The following NREP variants were observed in gnomAD, a reference collection of about 807,000 sequenced individuals.
NREP encodes neuronal regeneration related protein, also known as neuronal regeneration-related protein.
Under a neutral mutation model 8.6 loss-of-function variants are expected in NREP, and 5 were observed. The observed-to-expected ratio is 0.58, with a 90% CI of 0.30 to 1.22. The LOEUF (loss-of-function observed/expected upper bound fraction) is 1.22, where lower values mean the gene tolerates loss of function less well. Ranked by LOEUF, NREP falls within the 50% of genes most tolerant of loss-of-function variation. NREP has a pLI of 0.07. For synonymous variants in NREP, 27 were observed against 28.0 expected (o/e 0.96, Z 0.11); for missense variants, 86 against 82.5 (o/e 1.04, Z -0.17).
At chr5:111,955,474 AAAAAAAAC>A (rs1056408180) in intron 2 of NREP, among the ~76,000 whole-genome samples, 1 of 123,568 alleles carries the variant, frequency 8.1e-6, no homozygotes, top group South Asian at 2.5e-4. Context: ...ATACAGAAAA[AAAAAAAAC>A]AAAAAACAAA....
chr5:111,879,793 CT>C lies in NREP; in HGVS notation c.135+95480del, dbSNP rs535761127. 4.1e-3 allele frequency among the ~76,000 whole-genome samples: 622 copies of C among 152,214 alleles called. 2 individuals carry two copies. The highest frequency in any genetic ancestry group is 6.1e-3 in the Non-Finnish European group (418 of 68,012). The stretch of plus-strand genomic sequence containing the variant: ...TTCCTGACTTGCAGAAAGCCAACTT[CT>C]TTTTGTAGTCCCATATGGCAGGGAG... On this transcript the variant is annotated intron_variant, in intron 2 of 3. Coordinates refer to the NREP transcript ENST00000395634.
chr5:111,789,549 GCT>G (rs1486415646), intron 2 of NREP, among the ~76,000 whole-genome samples: 3 of 152,088 alleles, frequency 2.0e-5, no homozygotes, highest in Non-Finnish European at 2.9e-5. Flanking sequence ...AAGCTTGGTG[GCT>G]CTAGGCAGGG....
At chr5:111,921,613 A>C (rs1755242624) in intron 2 of NREP, among the ~76,000 whole-genome samples, 1 of 152,140 alleles carries the variant, frequency 6.6e-6, no homozygotes, top group Non-Finnish European at 1.5e-5. Flanking sequence ...AATGTCCTTT[A>C]AACTTTTTGT....
chr5:111,755,583 T>A (rs1039249790), intron 2 of NREP, 187 bp downstream of exon 2: 2 of 641,814 alleles, frequency 3.1e-6, no homozygotes, highest in South Asian at 2.1e-5. Flanking sequence ...AAGAACTAAT[T>A]TGCCACATCC....
At chr5:111,891,455 C>T (rs1754392257) in intron 2 of NREP, among the ~76,000 whole-genome samples, 1 of 152,156 alleles carries the variant, frequency 6.6e-6, no homozygotes, top group South Asian at 2.1e-4. Context: ...CAAACTCTGC[C>T]CATTACCCAG....
intron 2 of NREP, among the ~76,000 whole-genome samples, chr5:111,741,350 A>C (rs1242210699): frequency 6.6e-6 from 1 of 152,172 alleles, no homozygotes; most frequent in East Asian, 1.9e-4. Context: ...CTGTAATTCA[A>C]GGAGAATTCA....
rs115819483 is a variant in NREP at position 111,753,710 on chromosome 5, A to G, written c.3+2060T>C. Among the ~76,000 whole-genome samples, 727 of 152,230 alleles carry G rather than the reference A, an allele frequency of 4.8e-3. 4 individuals are homozygous for G. The highest frequency in any genetic ancestry group is 0.016 in the African/African-American group (682 of 41,538). On this transcript the variant is annotated intron_variant, in intron 2 of 3. Transcript: ENST00000257435. ...TGTATTTTCTAGAGGTGTCCAGGAG[A>G]CAAATCTACTGCTTCACTAGAAGCA...
chr5:111,913,177 A>G (rs1268212032), intron 2 of NREP, among the ~76,000 whole-genome samples: 1 of 152,136 alleles, frequency 6.6e-6, no homozygotes, highest in African/African-American at 2.4e-5. Flanking sequence ...GAGGTTAAGT[A>G]ATTTGTAGAA....
At chr5:111,797,173 C>G (rs1055211173) in intron 2 of NREP, among the ~76,000 whole-genome samples, 9 of 152,138 alleles carry the variant, frequency 5.9e-5, no homozygotes, top group African/African-American at 2.2e-4. Context: ...GAGATGAAAA[C>G]TGAGATTCAT....
chr5:111,746,182 C>T (rs1376336127), intron 2 of NREP, among the ~76,000 whole-genome samples: 1 of 151,864 alleles, frequency 6.6e-6, no homozygotes, highest in Non-Finnish European at 1.5e-5. Flanking sequence ...ATTGATTATG[C>T]CAGTGTAGAC....
At chr5:111,777,136 G>T (rs1294268496) in intron 2 of NREP, among the ~76,000 whole-genome samples, 2 of 152,038 alleles carry the variant, frequency 1.3e-5, no homozygotes, top group Non-Finnish European at 2.9e-5. Context: ...CTCAACTAGA[G>T]TTCCTCATTT....
At chr5:111,771,087 T>C (rs1024653319) in intron 2 of NREP, among the ~76,000 whole-genome samples, 1 of 152,226 alleles carries the variant, frequency 6.6e-6, no homozygotes, top group African/African-American at 2.4e-5. Context: ...ATAATTTTTT[T>C]CCTACAACTA....
At chr5:111,776,990 TGAGGAGGAGGAGGAGGAAG>T (rs1561662149) in intron 2 of NREP, among the ~76,000 whole-genome samples, 1 of 132,702 alleles carries the variant, frequency 7.5e-6, no homozygotes, top group Admixed American at 7.7e-5. Flanking sequence ...AGAAAAAGGA[TGAGGAGGAGGAGGAGGAAG>T]GAGGTGGAGG....
intron 3 of NREP, chr5:111,734,897 T>G (rs1381262355): frequency 1.6e-5 from 7 of 429,318 alleles, no homozygotes; most frequent in Middle Eastern, 4.2e-4. Flanking sequence ...ATCTAAAATA[T>G]AAATTTTACA....
At chr5:111,816,948 A>G (rs1386064406) in intron 2 of NREP, among the ~76,000 whole-genome samples, 1 of 152,100 alleles carries the variant, frequency 6.6e-6, no homozygotes, top group Non-Finnish European at 1.5e-5. Context: ...CTATACTAAT[A>G]AGAAAAAAAT....
intron 2 of NREP, among the ~76,000 whole-genome samples, chr5:111,939,705 C>T (rs1393496553): frequency 6.6e-6 from 1 of 151,900 alleles, no homozygotes; most frequent in Non-Finnish European, 1.5e-5. Context: ...AATTTTTGTG[C>T]TTTTTGTTGG....
rs1581034035 is a variant in NREP, at chr5:111,735,616, G to A, written c.4-109C>T. Reference sequence around the variant, plus strand: ...TTCTCCTCAATGGTTACTTATTCCCGACTACCACTTAGAGCACTGGGGAAA... The same window carrying A: ...TTCTCCTCAATGGTTACTTATTCCCAACTACCACTTAGAGCACTGGGGAAA... On this transcript the variant is annotated intron_variant, in intron 2 of 3. Transcript: ENST00000257435. 7 of 733,800 alleles carry A rather than the reference G, an allele frequency of 9.5e-6. No individual in the cohort carries two copies. In the East Asian group the frequency reaches 1.3e-4, roughly 13 times the overall value. The allele number at this position is 733,800 out of a possible 1,614,324, so 45.5% of individuals were successfully genotyped here.
chr5:111,756,311 A>G, intron 1 of NREP: 1 of 299,002 alleles, frequency 3.3e-6, no homozygotes, highest in Non-Finnish European at 4.5e-6. Flanking sequence ...AAAAAAAAAA[A>G]ACCCTACACG....
At chr5:111,800,354 C>T (rs978968775) in intron 2 of NREP, among the ~76,000 whole-genome samples, 8 of 152,210 alleles carry the variant, frequency 5.3e-5, no homozygotes, top group African/African-American at 1.7e-4. Context: ...TGATTATTAA[C>T]ACGGTTTCAT....
Sources: gnomAD v4.1 joint callset for allele counts (sites outside exome capture counted in the v4.1 genomes callset) on GRCh38, gnomAD v4.1.1 for gene constraint, MANE v1.5 for transcripts, NCBI Gene and HGNC (gene_info 2026-07-23, HGNC 2026-07-21) for gene names.